The following CAMK2D variants were observed in gnomAD, a reference collection of about 807,000 sequenced individuals.
CAMK2D encodes the protein calcium/calmodulin-dependent protein kinase type II subunit delta.
Under a neutral mutation model 84.0 loss-of-function variants are expected in CAMK2D, and 37 were observed. The ratio of observed to expected loss-of-function variants is 0.44; its 90% CI spans 0.34 to 0.58. The LOEUF (loss-of-function observed/expected upper bound fraction) is 0.58. CAMK2D is among the 20% of genes least tolerant of loss of function. The pLI is 0.02. For missense variants in CAMK2D, 448 were observed against 652.5 expected, an observed-to-expected ratio of 0.69 and a Z score of 3.41; for synonymous variants, 202 against 212.5, an observed-to-expected ratio of 0.95 and a Z score of 0.43.
In CAMK2D at chr4:113,568,072, G is replaced by A. The variant is rs188999081; in HGVS notation, c.276-15976C>T. Among the ~76,000 whole-genome samples, 4 of 152,258 alleles carry A rather than the reference G, an allele frequency of 2.6e-5. No homozygotes were observed. The East Asian group carries it at 7.7e-4, about 29-fold the overall frequency. ...TCTCTAGTTATTTTTTTATGGAAAA[G>A]TGATGTTTTTAAAATTGTGGCAAAA... On this transcript the variant is annotated intron_variant, in intron 4 of 20. Transcript: ENST00000511664.
At chr4:113,682,502 G>C (rs936371469) in intron 2 of CAMK2D, among the ~76,000 whole-genome samples, 1 of 150,904 alleles carries the variant, frequency 6.6e-6, no homozygotes, top group African/African-American at 2.4e-5. Context: ...TTTTGGATTT[G>C]AATCTCTCAT....
chr4:113,528,444 G>A (rs750770376), intron 8 of CAMK2D, among the ~76,000 whole-genome samples: 2 of 152,020 alleles, frequency 1.3e-5, no homozygotes, highest in Non-Finnish European at 2.9e-5. Context: ...AAGTAGACAG[G>A]AGGGATGAAG....
chr4:113,527,584 C>CT (rs1212072411), intron 8 of CAMK2D, among the ~76,000 whole-genome samples: 5 of 152,120 alleles, frequency 3.3e-5, no homozygotes, highest in African/African-American at 1.2e-4. Flanking sequence ...CATAATATCT[C>CT]TGAGGTTTGC....
At chr4:113,574,608 C>A (rs1373054209) in intron 4 of CAMK2D, among the ~76,000 whole-genome samples, 1 of 152,284 alleles carries the variant, frequency 6.6e-6, no homozygotes, top group East Asian at 1.9e-4. Context: ...ACTTTTAATG[C>A]CATGCAATCA....
At chr4:113,582,896 T>G (rs2098817181) in intron 4 of CAMK2D, among the ~76,000 whole-genome samples, 1 of 152,238 alleles carries the variant, frequency 6.6e-6, no homozygotes, top group Admixed American at 6.5e-5. Context: ...TGGAAATGCT[T>G]GGGAGATAAA....
chr4:113,668,800 T>C (rs924958536), intron 2 of CAMK2D, among the ~76,000 whole-genome samples: 2 of 152,130 alleles, frequency 1.3e-5, no homozygotes, highest in Non-Finnish European at 2.9e-5. Context: ...GAAAAAACTA[T>C]TATTTGTCTG....
At chr4:113,515,265 G>GAATC in intron 9 of CAMK2D, 74 bp from the exon 10 acceptor site, 1 of 938,312 alleles carries the variant, frequency 1.1e-6, no homozygotes, top group South Asian at 1.7e-5. Context: ...TCAACTACAT[G>GAATC]AATCATTCCC....
At chr4:113,635,109 A>G (rs373100923) in intron 3 of CAMK2D, among the ~76,000 whole-genome samples, 1 of 152,246 alleles carries the variant, frequency 6.6e-6, no homozygotes, top group South Asian at 2.1e-4. Context: ...CTAATGCTGT[A>G]TGCGAAAGCA....
intron 2 of CAMK2D, among the ~76,000 whole-genome samples, chr4:113,688,007 T>C (rs1023441087): frequency 6.6e-6 from 1 of 152,194 alleles, no homozygotes; most frequent in Admixed American, 6.5e-5. Flanking sequence ...AAACATTCAC[T>C]AGGTAGATCA....
chr4:113,682,905 T>C lies in CAMK2D; in HGVS notation c.161-21133A>G, dbSNP rs113287942. On this transcript the variant is annotated intron_variant, in intron 2 of 20. Coordinates refer to ENST00000511664, the MANE Select transcript of CAMK2D (RefSeq NM_001321571.2). ...GCCCTATGACTATAATAAACCCATCTGCATTCACTGCTTTACTTAGATAAA... is the reference window on the plus strand; with the variant it reads ...GCCCTATGACTATAATAAACCCATCCGCATTCACTGCTTTACTTAGATAAA... Among the ~76,000 whole-genome samples, 607 of 152,352 alleles carry C rather than the reference T, an allele frequency of 4.0e-3. 5 individuals are homozygous for C. The highest frequency in any genetic ancestry group is 0.014 in the African/African-American group (566 of 41,584).
chr4:113,746,977 A>T (rs1008057945), intron 2 of CAMK2D, among the ~76,000 whole-genome samples: 2 of 145,616 alleles, frequency 1.4e-5, no homozygotes, highest in African/African-American at 2.5e-5. Context: ...TACCATTAAT[A>T]ATATATATAT....
intron 2 of CAMK2D, among the ~76,000 whole-genome samples, chr4:113,740,304 T>C (rs1254557507): frequency 6.6e-6 from 1 of 152,090 alleles, no homozygotes; most frequent in Non-Finnish European, 1.5e-5. Flanking sequence ...TATACCCATA[T>C]AATGAAATAT....
At chr4:113,575,160 C>T (rs2098774594) in intron 4 of CAMK2D, among the ~76,000 whole-genome samples, 1 of 152,100 alleles carries the variant, frequency 6.6e-6, no homozygotes, top group Non-Finnish European at 1.5e-5. Context: ...CATTTGCTGT[C>T]TTAAGGAACT....
intron 18 of CAMK2D, among the ~76,000 whole-genome samples, chr4:113,459,208 A>AT (rs1356879386): frequency 1.3e-5 from 2 of 151,676 alleles, no homozygotes; most frequent in African/African-American, 2.4e-5. Flanking sequence ...TTTTCCTCCT[A>AT]TTTTTTCTTT....
chr4:113,758,709 T>G (rs990193698), intron 2 of CAMK2D, among the ~76,000 whole-genome samples: 2 of 152,218 alleles, frequency 1.3e-5, no homozygotes, highest in Non-Finnish European at 2.9e-5. Flanking sequence ...GAATTATCTC[T>G]GTACCTATAA....
intron 17 of CAMK2D, among the ~76,000 whole-genome samples, chr4:113,460,672 C>CAAT (rs141015279): frequency 0.19 from 28,390 of 149,976 alleles, 3,187 homozygotes; most frequent in East Asian, 0.38. Context: ...AATACTTCTG[C>CAAT]AATAATAATA....
intron 14 of CAMK2D, 185 bp from the exon 15 acceptor site, chr4:113,503,162 A>G (rs2098080414): frequency 1.4e-6 from 1 of 724,720 alleles, no homozygotes; most frequent in Non-Finnish European, 2.5e-6. Context: ...TGGCGAGGCC[A>G]TGAGATAGGA....
intron 3 of CAMK2D, among the ~76,000 whole-genome samples, chr4:113,624,097 T>A (rs1024795864): frequency 1.3e-5 from 2 of 152,168 alleles, no homozygotes; most frequent in Non-Finnish European, 2.9e-5. Context: ...CATGGCTCAA[T>A]GGAGACTTTC....
At chr4:113,643,738 T>C (rs533864904) in intron 3 of CAMK2D, among the ~76,000 whole-genome samples, 86 of 152,346 alleles carry the variant, frequency 5.6e-4, no homozygotes, top group African/African-American at 1.9e-3. Context: ...CTCTTTGCCT[T>C]GATTCCAAGT....
Sources: gnomAD v4.1 joint callset for allele counts (sites outside exome capture counted in the v4.1 genomes callset) on GRCh38, gnomAD v4.1.1 for gene constraint, MANE v1.5 for transcripts, NCBI Gene and HGNC (gene_info 2026-07-23, HGNC 2026-07-21) for gene names.